Variants in ROBO2 observed in about 807,000 individuals in gnomAD.
ROBO2 encodes the protein roundabout guidance receptor 2.
Under a neutral mutation model 160.8 loss-of-function variants are expected in ROBO2, and 53 were observed. The ratio of observed to expected loss-of-function variants is 0.33; its 90% CI spans 0.26 to 0.41. ROBO2 has a LOEUF of 0.41. Among genes scored for constraint, ROBO2 ranks in the 10% least tolerant of loss-of-function variants. The probability of loss-of-function intolerance (pLI) is 1.00; values close to 1 mark genes in which losing one functional copy is unlikely to be tolerated. For missense variants in ROBO2, 1,577 were observed against 1,722.4 expected (o/e 0.92, Z 1.49); for synonymous variants, 664 against 611.7 (o/e 1.09, Z -1.26).
rs938888800 is a variant in ROBO2 at position 77,294,156 on chromosome 3, C to T, written c.389-183258C>T. 7.3e-5 allele frequency among the ~76,000 whole-genome samples: 10 copies of T among 136,642 alleles called. 2 individuals are homozygous for T. The highest frequency in any genetic ancestry group is 2.0e-4 in the East Asian group (1 of 4,910). The allele number at this position is 136,642 out of a possible 152,430, so 89.6% of individuals were successfully genotyped here. On this transcript the variant is annotated intron_variant, in intron 2 of 25. Transcript: ENST00000461745. ...ACATAAAGTAAAATTGATGGTTAAA[C>T]GGGTAAGCTGAGGCTAGATCACCCC...
chr3:77,224,775 A>C (rs946152001), intron 2 of ROBO2, among the ~76,000 whole-genome samples: 1 of 151,870 alleles, frequency 6.6e-6, no homozygotes, highest in Non-Finnish European at 1.5e-5. Context: ...TGGGCAGAAG[A>C]ATCTTGATAG....
At chr3:76,630,686 C>A (rs1347012271) in intron 2 of ROBO2, among the ~76,000 whole-genome samples, 1 of 152,030 alleles carries the variant, frequency 6.6e-6, no homozygotes, top group Non-Finnish European at 1.5e-5. Flanking sequence ...GAGAAATTGA[C>A]AAAGATTAAA....
At chr3:77,006,803 T>C (rs184644954) in intron 2 of ROBO2, among the ~76,000 whole-genome samples, 4 of 152,002 alleles carry the variant, frequency 2.6e-5, no homozygotes, top group East Asian at 1.9e-4. Context: ...GCATAAGTGA[T>C]AAAAAATAGG....
intron 2 of ROBO2, among the ~76,000 whole-genome samples, chr3:77,098,731 C>CT (rs1185603562): frequency 2.6e-5 from 4 of 152,054 alleles, no homozygotes; most frequent in Non-Finnish European, 5.9e-5. Flanking sequence ...GTGGCGGCGC[C>CT]TGTAGTCCCA....
At chr3:76,259,567 C>G (rs1489562198) in intron 2 of ROBO2, among the ~76,000 whole-genome samples, 1 of 152,046 alleles carries the variant, frequency 6.6e-6, no homozygotes, top group African/African-American at 2.4e-5. Flanking sequence ...AGACAGACTG[C>G]CTAGAAAGTT....
At chr3:76,958,923 A>C (rs375121207) in intron 2 of ROBO2, among the ~76,000 whole-genome samples, 3 of 152,322 alleles carry the variant, frequency 2.0e-5, no homozygotes, top group African/African-American at 7.2e-5. Flanking sequence ...TCTTTCTTTA[A>C]TACAAATTTC....
intron 2 of ROBO2, among the ~76,000 whole-genome samples, chr3:77,452,959 T>C (rs2081271446): frequency 6.6e-6 from 1 of 152,126 alleles, no homozygotes; most frequent in South Asian, 2.1e-4. Context: ...TTGTCAGGAA[T>C]TCATCCATCT....
chr3:77,508,370 G>C (rs1194875612), intron 5 of ROBO2, among the ~76,000 whole-genome samples: 1 of 147,818 alleles, frequency 6.8e-6, no homozygotes, highest in East Asian at 1.9e-4. Flanking sequence ...ATTATAAAAT[G>C]TTGTAAGCTA....
intron 2 of ROBO2, among the ~76,000 whole-genome samples, chr3:77,288,627 A>G (rs1428141412): frequency 6.6e-6 from 1 of 151,462 alleles, no homozygotes; most frequent in Non-Finnish European, 1.5e-5. Context: ...GAAATTTCCA[A>G]CATGGCAGAT....
intron 2 of ROBO2, among the ~76,000 whole-genome samples, chr3:76,910,648 C>A (rs1343456497): frequency 6.9e-6 from 1 of 144,714 alleles, no homozygotes; most frequent in Non-Finnish European, 1.5e-5. Flanking sequence ...ATCGCTTGAA[C>A]CCAGCAGGCG....
At chr3:77,365,061 CT>C (rs2070639673) in intron 2 of ROBO2, among the ~76,000 whole-genome samples, 1 of 150,966 alleles carries the variant, frequency 6.6e-6, no homozygotes, top group Admixed American at 6.6e-5. Context: ...AGGAGAATTG[CT>C]TGAACCCAGG....
chr3:77,336,865 C>A (rs1003264491), intron 2 of ROBO2, among the ~76,000 whole-genome samples: 1 of 152,126 alleles, frequency 6.6e-6, no homozygotes, highest in African/African-American at 2.4e-5. Flanking sequence ...ATGCCTTTCC[C>A]AAGGCCAAAA....
At chr3:76,703,172 A>G (rs1358495791) in intron 2 of ROBO2, among the ~76,000 whole-genome samples, 1 of 152,168 alleles carries the variant, frequency 6.6e-6, no homozygotes, top group Non-Finnish European at 1.5e-5. Context: ...GTGCAATACT[A>G]TAAAAAGACC....
intron 2 of ROBO2, among the ~76,000 whole-genome samples, chr3:77,415,543 G>A (rs1263383030): frequency 6.6e-6 from 1 of 152,180 alleles, no homozygotes; most frequent in East Asian, 1.9e-4. Flanking sequence ...GTGGCCAGCT[G>A]TGCCCCTGCC....
chr3:75,983,168 C>T (rs2107461060), intron 2 of ROBO2, among the ~76,000 whole-genome samples: 1 of 151,434 alleles, frequency 6.6e-6, no homozygotes, highest in South Asian at 2.1e-4. Context: ...GCTCTTTTTC[C>T]TTAGAAAAAA....
chr3:76,462,423 C>T (rs2078135991), intron 2 of ROBO2, among the ~76,000 whole-genome samples: 1 of 151,924 alleles, frequency 6.6e-6, no homozygotes, highest in Admixed American at 6.6e-5. Context: ...GGTATATGGA[C>T]GTGTATATGA....
At chr3:77,269,812 TGTG>T (rs2059375099) in intron 2 of ROBO2, among the ~76,000 whole-genome samples, 1 of 152,122 alleles carries the variant, frequency 6.6e-6, no homozygotes, top group South Asian at 2.1e-4. Context: ...TTTCAGAAAA[TGTG>T]GTGAGAAAAA....
intron 2 of ROBO2, among the ~76,000 whole-genome samples, chr3:76,244,006 T>G (rs971623889): frequency 2.6e-5 from 4 of 152,178 alleles, no homozygotes; most frequent in African/African-American, 7.2e-5. Context: ...AGAATATGGT[T>G]AACAGTAAAT....
intron 2 of ROBO2, among the ~76,000 whole-genome samples, chr3:76,440,602 A>G (rs535435413): frequency 1.3e-5 from 2 of 152,302 alleles, no homozygotes; most frequent in East Asian, 3.9e-4. Flanking sequence ...TCAGGGGAAC[A>G]GTGTAAAACA....
Sources: allele counts gnomAD v4.1 joint callset (sites outside exome capture counted in the v4.1 genomes callset), GRCh38; gene constraint gnomAD v4.1.1; transcripts MANE v1.5; gene names NCBI Gene and HGNC (gene_info 2026-07-23, HGNC 2026-07-21).